Variants in CINP observed in about 807,000 individuals in gnomAD.
CINP encodes cyclin dependent kinase 2 interacting protein.
In CINP, 11 loss-of-function variants were observed where a neutral mutation model predicts 20.5. The observed-to-expected ratio is 0.54, with a 90% CI of 0.34 to 0.89. The LOEUF is 0.89. Ranked by LOEUF, CINP falls within the 40% of genes least tolerant of loss-of-function variation. CINP has a pLI of 0.02. For missense variants in CINP, 213 were observed against 251.0 expected (o/e 0.85, Z 1.02); for synonymous variants, 108 against 102.1 (o/e 1.06, Z -0.35).
At chr14:102,353,957 T>C (rs1453626076) in intron 3 of CINP, among the ~76,000 whole-genome samples, 2 of 152,030 alleles carry the variant, frequency 1.3e-5, no homozygotes, top group African/African-American at 4.8e-5. Flanking sequence ...GGCATGATGG[T>C]TCATGCTTGT....
chr14:102,354,401 A>C (rs1886947631), intron 3 of CINP, among the ~76,000 whole-genome samples: 1 of 152,202 alleles, frequency 6.6e-6, no homozygotes, highest in African/African-American at 2.4e-5. Context: ...AAATAACCAA[A>C]AGGACAATAG....
At chr14:102,356,514 G>T (rs1887001852) in intron 2 of CINP, among the ~76,000 whole-genome samples, 1 of 151,906 alleles carries the variant, frequency 6.6e-6, no homozygotes, top group Non-Finnish European at 1.5e-5. Context: ...TTTCCTCAAA[G>T]AGTTCACAAT....
At position 102,359,957 on chromosome 14, in the gene CINP, G is replaced by A. The variant is rs143482099; in HGVS notation, c.8-370C>T. On this transcript the variant is annotated intron_variant, in intron 1 of 4. Coordinates refer to ENST00000216756, the MANE Select transcript of CINP (RefSeq NM_032630.3). The stretch of plus-strand genomic sequence containing the variant: ...ACAGGATAATCTAGCCCTGACTCCC[G>A]AGTACTTCCACTATCTAGTCTCAGG... Among the ~76,000 whole-genome samples the A allele has an allele frequency of 6.1e-3, 933 of 152,154 alleles. 13 individuals carry two copies. The highest frequency in any genetic ancestry group is 0.022 in the African/African-American group (895 of 41,490).
Position 102,352,563 on chromosome 14 carries a change from G to A in CINP, c.307-2515C>T, listed in dbSNP as rs576504900. ...AGGTCTGGAAACCATTCTCTATAAC[G>A]GATAGAGGAAAATAGGAAAAATAAT... On this transcript the variant is annotated intron_variant, in intron 3 of 4. Transcript: ENST00000216756. The A allele has an allele frequency of 6.8e-4, 309 of 455,690 alleles. 1 individual carries two copies. Among genetic ancestry groups the A allele is most frequent in the African/African-American group, 3.0e-3 (152 of 50,120 alleles). 28.2% of individuals were successfully genotyped at this position (455,690 alleles called of 1,614,324 possible).
chr14:102,353,562 G>A (rs1309789594), intron 3 of CINP, among the ~76,000 whole-genome samples: 1 of 152,128 alleles, frequency 6.6e-6, no homozygotes, highest in Non-Finnish European at 1.5e-5. Context: ...TGATAGAAAT[G>A]GCACTTTACT....
At position 102,351,441 on chromosome 14, in the gene CINP, C is replaced by T. The variant is rs1040656041; in HGVS notation, c.307-1393G>A. On this transcript the variant is annotated intron_variant, in intron 3 of 4. Coordinates refer to ENST00000216756, the MANE Select transcript of CINP (RefSeq NM_032630.3). The surrounding 1 kb of genome is among the most constrained non-coding windows in gnomAD (Gnocchi z 4.2). The stretch of plus-strand genomic sequence containing the variant: ...TGAGTTAGTATTTGTGAAGCACCTA[C>T]TTGGAGATATATAAGGGTTGGATAA... Among the ~76,000 whole-genome samples the T allele has an allele frequency of 6.6e-6, 1 of 152,086 alleles. No individual in the cohort carries two copies. Among genetic ancestry groups the T allele is most frequent in the African/African-American group, 2.4e-5 (1 of 41,390 alleles).
At chr14:102,350,174 CT>C in intron 3 of CINP, 126 bp from the exon 4 acceptor site, 2 of 786,210 alleles carry the variant, frequency 2.5e-6, no homozygotes, top group Admixed American at 3.0e-5. Context: ...TAACTAAACA[CT>C]GTTAACTCTA....
In CINP at chr14:102,348,581, C is replaced by A; in HGVS notation, c.615G>T (p.Leu205=). Residue 205 remains leucine, a synonymous_variant, in exon 5 of 5, where the codon CTG becomes CTT. Coordinates refer to ENST00000216756, the MANE Select transcript of CINP (RefSeq NM_032630.3). ...GTCAGAGAGCTCGGTGGCCTGTCTC[C>A]AGCAGCATGCTCTCCAGATGCAGCC... The part of the protein sequence containing the change: ...DSRLHLESML[L]ETGHRAL The A allele has an allele frequency of 6.2e-7, 1 of 1,612,322 alleles. No individual in the cohort carries two copies.
intron 2 of CINP, among the ~76,000 whole-genome samples, chr14:102,357,188 C>CT (rs1887016700): frequency 6.6e-6 from 1 of 152,016 alleles, no homozygotes. Flanking sequence ...CAAGACCAGC[C>CT]TGGGCAACAT....
intron 3 of CINP, among the ~76,000 whole-genome samples, chr14:102,354,086 A>G (rs1490716702): frequency 6.6e-6 from 1 of 152,210 alleles, no homozygotes. Context: ...CCAAACAAAC[A>G]AAAAGGTGAA....
rs577247258 is a variant in CINP, at chr14:102,356,427, A to C, written c.177-530T>G. 5.3e-5 allele frequency among the ~76,000 whole-genome samples: 8 copies of C among 152,196 alleles called. No individual in the cohort carries two copies. The East Asian group carries it at 5.8e-4, about 11-fold the overall frequency. ...AGCAAGACTGTCTCAAAAAAAAAAA[A>C]AACACCATTCAGCGGTGTGGCATCC... is the stretch of plus-strand genomic sequence containing the variant. On this transcript the variant is annotated intron_variant, in intron 2 of 4. Transcript: ENST00000216756.
At chr14:102,358,717 A>G (rs1301909994) in intron 2 of CINP, among the ~76,000 whole-genome samples, 1 of 152,040 alleles carries the variant, frequency 6.6e-6, no homozygotes, top group Non-Finnish European at 1.5e-5. Context: ...AGAAAGTGAG[A>G]TATAAAGGAA....
At chr14:102,355,643 A>G (rs1158249338) in intron 3 of CINP, 125 bp downstream of exon 3, 3 of 1,054,408 alleles carry the variant, frequency 2.8e-6, no homozygotes, top group Non-Finnish European at 4.2e-6. Flanking sequence ...CGCAGCAGGC[A>G]GAGGAAGAGA....
In CINP at chr14:102,362,707, G is replaced by A. The variant is rs1362808678; in HGVS notation, c.7+138C>T. The A allele has an allele frequency of 6.8e-6, 8 of 1,183,506 alleles. No individual in the cohort carries two copies. The East Asian group carries it at 1.0e-4, about 15-fold the overall frequency. The allele number at this position is 1,183,506 out of a possible 1,614,324, so 73.3% of individuals were successfully genotyped here. ...CGCAGAGGCTGCGAGGGGCCTGCGG[G>A]CTAGGCTGGGGTAAGACAGAGGACC... On this transcript the variant is annotated intron_variant, in intron 1 of 4. Coordinates refer to ENST00000216756, the MANE Select transcript of CINP (RefSeq NM_032630.3).
At position 102,351,534 on chromosome 14, in the gene CINP, T is replaced by G. The variant is rs1401073069; in HGVS notation, c.307-1486A>C. Reference sequence around the variant, plus strand: ...AGCATAGGTCTATAAAGACCAAATTTTGAACTCCTAAGTATAGTTGACTTT... The same window carrying G: ...AGCATAGGTCTATAAAGACCAAATTGTGAACTCCTAAGTATAGTTGACTTT... On this transcript the variant is annotated intron_variant, in intron 3 of 4. Transcript: ENST00000216756. This position sits in a 1 kb window ranked among gnomAD's most constrained non-coding sequence, Gnocchi z 4.2. Among the ~76,000 whole-genome samples, 2 of 152,170 alleles carry G rather than the reference T, an allele frequency of 1.3e-5. No homozygotes were observed. The highest frequency in any genetic ancestry group is 4.8e-5 in the African/African-American group (2 of 41,434).
At chr14:102,350,070 T>TATG (rs747651347) in intron 3 of CINP, 22 bp from the exon 4 acceptor site, 12 of 1,592,164 alleles carry the variant, frequency 7.5e-6, no homozygotes, top group Admixed American at 1.7e-5. Context: ...CCATTTGGAA[T>TATG]ATGATAATAT....
chr14:102,358,552 G>A (rs1887048805), intron 2 of CINP, among the ~76,000 whole-genome samples: 1 of 152,086 alleles, frequency 6.6e-6, no homozygotes, highest in South Asian at 2.1e-4. Context: ...ATGGTGGCAG[G>A]TATCTGTAAT....
chr14:102,361,121 CCT>C (rs1491433572), intron 1 of CINP, among the ~76,000 whole-genome samples: 2 of 151,956 alleles, frequency 1.3e-5, no homozygotes, highest in Non-Finnish European at 2.9e-5. Context: ...AGTGTGATCC[CCT>C]GAGAAGGTGT....
At chr14:102,358,397 A>G (rs1407077162) in intron 2 of CINP, among the ~76,000 whole-genome samples, 4 of 152,228 alleles carry the variant, frequency 2.6e-5, no homozygotes, top group Non-Finnish European at 4.4e-5. Flanking sequence ...ACAGTGAGAC[A>G]TGGCTGGGCG....
Sources: allele counts gnomAD v4.1 joint callset (sites outside exome capture counted in the v4.1 genomes callset), GRCh38; gene constraint gnomAD v4.1.1; non-coding constraint Gnocchi (gnomAD v3.1); transcripts MANE v1.5; gene names NCBI Gene and HGNC (gene_info 2026-07-23, HGNC 2026-07-21).